Variants in PRKG1 observed in about 807,000 individuals in gnomAD.
PRKG1 encodes cGMP-dependent protein kinase 1.
Under a neutral mutation model 88.1 loss-of-function variants are expected in PRKG1, and 35 were observed. That is an observed-to-expected ratio of 0.40 (90% CI 0.30 to 0.53). The LOEUF (loss-of-function observed/expected upper bound fraction) is 0.53, where lower values mean the gene tolerates loss of function less well. Among genes scored for constraint, PRKG1 ranks in the 20% least tolerant of loss-of-function variants. PRKG1 has a pLI of 0.59. For synonymous variants in PRKG1, 303 were observed against 292.5 expected (o/e 1.04, Z -0.37); for missense variants, 540 against 839.8 (o/e 0.64, Z 4.41).
chr10:51,248,825 A>G (rs1422152944), intron 2 of PRKG1, among the ~76,000 whole-genome samples: 2 of 151,790 alleles, frequency 1.3e-5, no homozygotes, highest in African/African-American at 4.8e-5. Context: ...ACTAATGAAC[A>G]TTACAACTAA....
chr10:51,775,418 T>G (rs573548122), intron 3 of PRKG1, among the ~76,000 whole-genome samples: 1 of 152,236 alleles, frequency 6.6e-6, no homozygotes, highest in African/African-American at 2.4e-5. Flanking sequence ...AATAACTTTC[T>G]CCTACTTTGA....
chr10:51,851,482 C>CA (rs893846797), intron 4 of PRKG1, among the ~76,000 whole-genome samples: 3 of 152,168 alleles, frequency 2.0e-5, no homozygotes, highest in Admixed American at 6.5e-5. Flanking sequence ...TTGAGACTGA[C>CA]AAACGCTTCC....
At chr10:52,068,281 C>T (rs967188383) in intron 7 of PRKG1, among the ~76,000 whole-genome samples, 1 of 149,782 alleles carries the variant, frequency 6.7e-6, no homozygotes, top group African/African-American at 2.5e-5. Flanking sequence ...CAGATGATGG[C>T]AAATTCTAAA....
chr10:51,163,853 G>A (rs983951688), intron 2 of PRKG1, among the ~76,000 whole-genome samples: 2 of 152,224 alleles, frequency 1.3e-5, no homozygotes, highest in African/African-American at 4.8e-5. Flanking sequence ...AGGGGCGCCT[G>A]CCATTGCCCA....
chr10:51,793,381 C>A (rs1218964721), intron 3 of PRKG1, among the ~76,000 whole-genome samples: 1 of 151,424 alleles, frequency 6.6e-6, no homozygotes, highest in African/African-American at 2.4e-5. Flanking sequence ...GAAAAAAGAA[C>A]AAAAAACTTG....
At chr10:51,626,499 G>C (rs951839877) in intron 3 of PRKG1, among the ~76,000 whole-genome samples, 1 of 151,796 alleles carries the variant, frequency 6.6e-6, no homozygotes, top group Non-Finnish European at 1.5e-5. Flanking sequence ...AAATCCTAGG[G>C]GGAATTTTTC....
intron 3 of PRKG1, among the ~76,000 whole-genome samples, chr10:51,581,176 A>T (rs976008076): frequency 1.3e-5 from 2 of 152,192 alleles, no homozygotes; most frequent in African/African-American, 4.8e-5. Context: ...TAACATCTGT[A>T]TGCAGAAGTA....
At chr10:52,033,424 A>G (rs1845520830) in intron 5 of PRKG1, among the ~76,000 whole-genome samples, 1 of 152,162 alleles carries the variant, frequency 6.6e-6, no homozygotes, top group South Asian at 2.1e-4. Flanking sequence ...TTGCACACAC[A>G]TGTTGCTCCT....
chr10:51,848,404 T>A lies in PRKG1; in HGVS notation c.698+43714T>A, dbSNP rs543177103. ...TTATGGTTCCCGCACCCGTCTTTTT[T>A]GTTTCTTTTCAATATCATGATTAAA... On this transcript the variant is annotated intron_variant, in intron 4 of 17. Coordinates refer to ENST00000373980, the MANE Select transcript of PRKG1 (RefSeq NM_006258.4). Among the ~76,000 whole-genome samples the A allele has an allele frequency of 3.9e-5, 6 of 152,320 alleles. No homozygotes were observed. The East Asian group carries it at 1.2e-3, about 29-fold the overall frequency.
rs78182423 is a variant in PRKG1 at position 51,521,573 on chromosome 10, A to G, written c.592+53737A>G. Among the ~76,000 whole-genome samples, 993 of 152,302 alleles carry G rather than the reference A, an allele frequency of 6.5e-3. 5 individuals carry two copies. Among genetic ancestry groups the G allele is most frequent in the African/African-American group, 0.022 (920 of 41,570 alleles). ...GGCCCAAAATACACTTTAAAACAAT[A>G]CAGAACGTAGCCAAGGGAAAATAAC... On this transcript the variant is annotated intron_variant, in intron 3 of 17. Transcript: ENST00000373980.
At chr10:51,958,102 A>T (rs1396022511) in intron 5 of PRKG1, among the ~76,000 whole-genome samples, 1 of 152,160 alleles carries the variant, frequency 6.6e-6, no homozygotes, top group African/African-American at 2.4e-5. Context: ...TTATCTGCAA[A>T]AATAGCTTTG....
chr10:51,448,780 T>C (rs1213642419), intron 2 of PRKG1, among the ~76,000 whole-genome samples: 1 of 152,032 alleles, frequency 6.6e-6, no homozygotes, highest in Non-Finnish European at 1.5e-5. Flanking sequence ...AAGTCTTAAT[T>C]TTCAAGCTTC....
chr10:51,247,132 G>A (rs1348047083), intron 2 of PRKG1, among the ~76,000 whole-genome samples: 1 of 151,958 alleles, frequency 6.6e-6, no homozygotes, highest in Non-Finnish European at 1.5e-5. Flanking sequence ...GTAAGACTGT[G>A]AAAGAGACAA....
intron 7 of PRKG1, among the ~76,000 whole-genome samples, chr10:52,090,978 T>C (rs750722971): frequency 3.9e-5 from 6 of 152,220 alleles, no homozygotes; most frequent in African/African-American, 2.4e-5. Context: ...TTTCTATTGC[T>C]GCATAACACA....
intron 7 of PRKG1, among the ~76,000 whole-genome samples, chr10:52,096,868 A>T (rs1461265311): frequency 6.6e-6 from 1 of 152,144 alleles, no homozygotes; most frequent in Non-Finnish European, 1.5e-5. Flanking sequence ...CTACAATGTA[A>T]TATTGTAAGT....
upstream of PRKG1, among the ~76,000 whole-genome samples, chr10:51,072,129 A>T (rs1843840139): frequency 6.6e-6 from 1 of 152,148 alleles, no homozygotes; most frequent in Admixed American, 6.6e-5. Context: ...CAGGAGGCGG[A>T]GGTTGCAGGG....
intron 3 of PRKG1, among the ~76,000 whole-genome samples, chr10:51,480,961 C>T (rs1840338347): frequency 6.6e-6 from 1 of 151,952 alleles, no homozygotes; most frequent in African/African-American, 2.4e-5. Context: ...AATACCAAAG[C>T]ACATGGGTGT....
At chr10:51,022,446 G>A (rs1196541121) in intron 1 of PRKG1, among the ~76,000 whole-genome samples, 3 of 152,106 alleles carry the variant, frequency 2.0e-5, no homozygotes, top group Admixed American at 1.3e-4. Flanking sequence ...TTTCCTTCCA[G>A]GTCTGGAAAG....
chr10:51,188,965 T>C (rs947155866), intron 2 of PRKG1, among the ~76,000 whole-genome samples: 1 of 151,864 alleles, frequency 6.6e-6, no homozygotes, highest in African/African-American at 2.4e-5. Flanking sequence ...TATCTCCCTT[T>C]TGTGGGAGAG....
Sources: gnomAD v4.1 joint callset for allele counts (sites outside exome capture counted in the v4.1 genomes callset) on GRCh38, gnomAD v4.1.1 for gene constraint, MANE v1.5 for transcripts, NCBI Gene and HGNC (gene_info 2026-07-23, HGNC 2026-07-21) for gene names.